The following GABRA5 variants were observed in gnomAD, a reference collection of about 807,000 sequenced individuals.
The protein encoded by GABRA5 is gamma-aminobutyric acid type A receptor subunit alpha5.
A neutral mutation model predicts 47.3 loss-of-function variants in GABRA5; 18 were observed. The ratio of observed to expected loss-of-function variants is 0.38; its 90% CI spans 0.26 to 0.56. GABRA5 has a LOEUF of 0.56. GABRA5 is among the 20% of genes least tolerant of loss of function. The probability of loss-of-function intolerance (pLI) is 0.71; values close to 1 mark genes in which losing one functional copy is unlikely to be tolerated. For synonymous variants in GABRA5, 237 were observed against 229.3 expected (o/e 1.03, Z -0.30); for missense variants, 365 against 599.3 (o/e 0.61, Z 4.08).
rs758283106 is a variant in GABRA5 at position 26,943,396 on chromosome 15, CA to C, written c.1065del (p.Ala356ProfsTer15). The C allele has an allele frequency of 3.8e-6, 6 of 1,596,550 alleles. No individual in the cohort carries two copies. Among genetic ancestry groups the C allele is most frequent in the Non-Finnish European group, 3.4e-6 (4 of 1,171,554 alleles). On this transcript the variant is annotated frameshift_variant, in exon 10 of 11. Transcript: ENST00000335625. LOFTEE classifies it high-confidence loss of function. ...CCAAGAGAGGCTGGGCCTGGGATGG[CA>C]AAAAAGCCTTGGAAGCAGCCAAGAT... The part of the protein sequence containing the change: ...FTKRGWAWDG[K>X]KALEAAKIKK...
At chr15:26,937,144 G>A (rs1448486306) in intron 7 of GABRA5, 41 bp from the exon 8 acceptor site, 1 of 1,609,840 alleles carries the variant, frequency 6.2e-7, no homozygotes, top group African/African-American at 1.3e-5. Context: ...GGCTGGGAAT[G>A]ATTTCATGTT....
At chr15:26,932,933 C>T (rs1281961536) in intron 7 of GABRA5, among the ~76,000 whole-genome samples, 1 of 152,026 alleles carries the variant, frequency 6.6e-6, no homozygotes, top group Non-Finnish European at 1.5e-5. Context: ...ATAACACACA[C>T]TGAGGCCTGT....
intron 7 of GABRA5, among the ~76,000 whole-genome samples, chr15:26,930,840 A>G (rs1894084007): frequency 6.8e-6 from 1 of 146,886 alleles, no homozygotes; most frequent in African/African-American, 2.5e-5. Context: ...CTTGGTGCCA[A>G]TTTCTTTCTT....
intron 10 of GABRA5, among the ~76,000 whole-genome samples, chr15:26,945,515 C>A (rs1025753381): frequency 1.3e-5 from 2 of 152,222 alleles, no homozygotes; most frequent in Non-Finnish European, 2.9e-5. Flanking sequence ...CAGCAAAGCC[C>A]AGGCTAACCC....
At chr15:26,885,380 AT>A (rs1892854398) in intron 6 of GABRA5, among the ~76,000 whole-genome samples, 1 of 151,854 alleles carries the variant, frequency 6.6e-6, no homozygotes, top group African/African-American at 2.4e-5. Context: ...GCTTCAAAGC[AT>A]CTTTCTGGAG....
intron 6 of GABRA5, among the ~76,000 whole-genome samples, chr15:26,908,500 C>A (rs1222240121): frequency 1.3e-5 from 2 of 152,206 alleles, no homozygotes; most frequent in African/African-American, 4.8e-5. Context: ...CGCTGTGTCT[C>A]CAAACCCTGC....
At chr15:26,911,383 A>G (rs1208991378) in intron 6 of GABRA5, among the ~76,000 whole-genome samples, 3 of 145,710 alleles carry the variant, frequency 2.1e-5, no homozygotes, top group Non-Finnish European at 4.6e-5. Flanking sequence ...ACACACACAC[A>G]CACACACACA....
chr15:26,921,944 A>G (rs772894294), intron 7 of GABRA5, among the ~76,000 whole-genome samples: 5 of 152,080 alleles, frequency 3.3e-5, no homozygotes, highest in Non-Finnish European at 7.4e-5. Context: ...ATTCCACCAT[A>G]TCCAGAGAAT....
At chr15:26,887,655 A>G (rs1595400699) in intron 6 of GABRA5, among the ~76,000 whole-genome samples, 1 of 152,244 alleles carries the variant, frequency 6.6e-6, no homozygotes, top group Admixed American at 6.5e-5. Flanking sequence ...CCCAGCCCCC[A>G]TGATGCCCTT....
intron 10 of GABRA5, among the ~76,000 whole-genome samples, chr15:26,946,844 G>C (rs547272871): frequency 6.6e-6 from 1 of 151,862 alleles, no homozygotes; most frequent in African/African-American, 2.4e-5. Context: ...TGCTTAATCC[G>C]TAAGAGTTAA....
intron 7 of GABRA5, among the ~76,000 whole-genome samples, chr15:26,929,808 C>G (rs1475595005): frequency 1.3e-5 from 2 of 152,160 alleles, no homozygotes; most frequent in Non-Finnish European, 2.9e-5. Context: ...CCTTTGCATT[C>G]TCCCATTGTC....
At chr15:26,892,921 G>A (rs894263490) in intron 6 of GABRA5, among the ~76,000 whole-genome samples, 1 of 151,338 alleles carries the variant, frequency 6.6e-6, no homozygotes, top group African/African-American at 2.4e-5. Flanking sequence ...GTGTGTGCGT[G>A]ATGTGTGTAT....
rs1238612882 is a variant in GABRA5 at position 26,948,405 on chromosome 15, A to G, written c.*172A>G. The G allele has an allele frequency of 7.8e-6, 5 of 637,874 alleles. No individual in the cohort carries two copies. Among genetic ancestry groups the G allele is most frequent in the Non-Finnish European group, 1.1e-5 (4 of 372,996 alleles). The allele number at this position is 637,874 out of a possible 1,614,324, so 39.5% of individuals were successfully genotyped here. A position where few individuals can be genotyped will look rare whatever the true frequency, so the allele number is the denominator to read the frequency against. On this transcript the variant is annotated 3_prime_UTR_variant, in exon 11 of 11. Coordinates refer to ENST00000335625, the MANE Select transcript of GABRA5 (RefSeq NM_000810.4). ...TTGATGTTTCTATATGTAACTTCAG[A>G]TGTTTCCAAGATGTCCCATTGATAA... is the stretch of plus-strand genomic sequence containing the variant.
chr15:26,945,116 C>T (rs1013818944), intron 10 of GABRA5, among the ~76,000 whole-genome samples: 8 of 152,336 alleles, frequency 5.3e-5, no homozygotes, highest in African/African-American at 1.7e-4. Context: ...GAATAAGCCG[C>T]GTGCCTCAAG....
chr15:26,924,397 A>G (rs183829674), intron 7 of GABRA5, among the ~76,000 whole-genome samples: 32 of 152,230 alleles, frequency 2.1e-4, no homozygotes, highest in African/African-American at 7.7e-4. Context: ...TTTCACTGAC[A>G]CCATATGCAT....
At chr15:26,896,196 G>A (rs1405403605) in intron 6 of GABRA5, among the ~76,000 whole-genome samples, 1 of 152,128 alleles carries the variant, frequency 6.6e-6, no homozygotes, top group Non-Finnish European at 1.5e-5. Flanking sequence ...TGTTCCTGTT[G>A]TCTCCAAAGA....
At chr15:26,922,343 T>A (rs957950820) in intron 7 of GABRA5, among the ~76,000 whole-genome samples, 7 of 152,342 alleles carry the variant, frequency 4.6e-5, no homozygotes, top group African/African-American at 1.7e-4. Context: ...TGGAAATTTT[T>A]CTCTGCTTTG....
chr15:26,919,849 G>GT (rs942126351), intron 7 of GABRA5, among the ~76,000 whole-genome samples: 9 of 151,978 alleles, frequency 5.9e-5, no homozygotes, highest in African/African-American at 1.4e-4. Flanking sequence ...TTCTGGAAAA[G>GT]TTTTTGTCTT....
intron 6 of GABRA5, among the ~76,000 whole-genome samples, chr15:26,884,929 A>T (rs1416557991): frequency 6.6e-6 from 1 of 152,142 alleles, no homozygotes; most frequent in Non-Finnish European, 1.5e-5. Context: ...GCGGAGGCAT[A>T]ATCACTAACC....
Sources: gnomAD v4.1 joint callset for allele counts (sites outside exome capture counted in the v4.1 genomes callset) on GRCh38, gnomAD v4.1.1 for gene constraint, MANE v1.5 for transcripts, NCBI Gene and HGNC (gene_info 2026-07-23, HGNC 2026-07-21) for gene names.